The following ANKS1B variants were observed in gnomAD, a reference collection of about 807,000 sequenced individuals.
The protein encoded by ANKS1B is ankyrin repeat and sterile alpha motif domain-containing protein 1B.
In ANKS1B, 36 loss-of-function variants were observed where a neutral mutation model predicts 148.3. The ratio of observed to expected loss-of-function variants is 0.24; its 90% CI spans 0.19 to 0.32. ANKS1B has a LOEUF of 0.32. Among genes scored for constraint, ANKS1B ranks in the 10% least tolerant of loss-of-function variants. The pLI is 1.00. For synonymous variants in ANKS1B, 542 were observed against 560.8 expected (o/e 0.97, Z 0.47); for missense variants, 1,157 against 1,542.6 (o/e 0.75, Z 4.19).
At chr12:99,823,082 A>G (rs915059077) in intron 2 of ANKS1B, among the ~76,000 whole-genome samples, 13 of 152,112 alleles carry the variant, frequency 8.5e-5, no homozygotes, top group African/African-American at 2.4e-4. Flanking sequence ...GGCCACTTGT[A>G]TATCTTCTTT....
chr12:99,504,938 G>C (rs1287531440), intron 9 of ANKS1B, among the ~76,000 whole-genome samples: 2 of 151,930 alleles, frequency 1.3e-5, no homozygotes, highest in Non-Finnish European at 2.9e-5. Context: ...CTAATCAACA[G>C]TCATCCCCAA....
At chr12:99,032,140 T>C (rs925819561) in intron 17 of ANKS1B, among the ~76,000 whole-genome samples, 1 of 152,178 alleles carries the variant, frequency 6.6e-6, no homozygotes, top group Non-Finnish European at 1.5e-5. Context: ...GACTTACAGT[T>C]GACTGAGGAT....
intron 1 of ANKS1B, among the ~76,000 whole-genome samples, chr12:99,827,988 A>C (rs970723597): frequency 1.8e-4 from 28 of 152,234 alleles, no homozygotes; most frequent in Non-Finnish European, 3.8e-4. Context: ...AGACTTGTAC[A>C]TATAATATTA....
chr12:99,452,430 T>C (rs1470205224), intron 10 of ANKS1B, among the ~76,000 whole-genome samples: 1 of 152,238 alleles, frequency 6.6e-6, no homozygotes, highest in Non-Finnish European at 1.5e-5. Context: ...GCTAGAAATT[T>C]GTCATTTGTA....
intron 17 of ANKS1B, among the ~76,000 whole-genome samples, chr12:99,045,276 A>G (rs2099961605): frequency 6.6e-6 from 1 of 152,154 alleles, no homozygotes; most frequent in African/African-American, 2.4e-5. Context: ...TTTTTAAAAA[A>G]TTAATTTTTT....
chr12:99,625,427 T>C (rs1227391539), intron 9 of ANKS1B, among the ~76,000 whole-genome samples: 3 of 152,170 alleles, frequency 2.0e-5, no homozygotes, highest in Non-Finnish European at 2.9e-5. Flanking sequence ...GCACCTATCA[T>C]TATCAAGTCT....
intron 9 of ANKS1B, among the ~76,000 whole-genome samples, chr12:99,524,410 G>A (rs2096906308): frequency 6.6e-6 from 1 of 152,132 alleles, no homozygotes. Flanking sequence ...GAACTTTGCA[G>A]ATGTAAGTCA....
intron 9 of ANKS1B, among the ~76,000 whole-genome samples, chr12:99,635,768 C>A (rs1235202173): frequency 6.6e-6 from 1 of 151,864 alleles, no homozygotes; most frequent in Admixed American, 6.6e-5. Context: ...TGTATCTTCA[C>A]AATTTTTTTT....
intron 1 of ANKS1B, among the ~76,000 whole-genome samples, chr12:99,892,628 T>C (rs537096648): frequency 6.6e-6 from 1 of 152,270 alleles, no homozygotes; most frequent in South Asian, 2.1e-4. Flanking sequence ...AGTTTGAAGG[T>C]GGAACTGAAC....
At chr12:98,878,124 T>C (rs1445182079) in intron 17 of ANKS1B, among the ~76,000 whole-genome samples, 2 of 151,190 alleles carry the variant, frequency 1.3e-5, no homozygotes, top group Non-Finnish European at 2.9e-5. Context: ...GAAAGAGGGG[T>C]AGCAAATTAT....
intron 17 of ANKS1B, among the ~76,000 whole-genome samples, chr12:98,987,688 G>A (rs1047534841): frequency 6.6e-6 from 1 of 151,106 alleles, no homozygotes; most frequent in Non-Finnish European, 1.5e-5. Context: ...ATTTGGGACC[G>A]GTCACAGAAC....
chr12:99,522,530 C>T (rs2096885220), intron 9 of ANKS1B, among the ~76,000 whole-genome samples: 3 of 152,114 alleles, frequency 2.0e-5, no homozygotes. Flanking sequence ...GTTGTTTACA[C>T]TGTGTTTTCT....
At chr12:99,182,296 A>T (rs1414782764) in intron 14 of ANKS1B, among the ~76,000 whole-genome samples, 4 of 152,174 alleles carry the variant, frequency 2.6e-5, no homozygotes, top group Non-Finnish European at 4.4e-5. Flanking sequence ...TGGGGATTAC[A>T]ATTTGACATG....
intron 9 of ANKS1B, among the ~76,000 whole-genome samples, chr12:99,537,343 C>A (rs2097080766): frequency 1.3e-5 from 2 of 152,002 alleles, no homozygotes; most frequent in African/African-American, 4.8e-5. Flanking sequence ...TCCATATTAT[C>A]CTCCATAATG....
chr12:99,940,280 T>C (rs1285086403), intron 1 of ANKS1B, among the ~76,000 whole-genome samples: 1 of 152,118 alleles, frequency 6.6e-6, no homozygotes, highest in Non-Finnish European at 1.5e-5. Context: ...GACACCACAA[T>C]GTCCTAAATA....
intron 12 of ANKS1B, among the ~76,000 whole-genome samples, chr12:99,347,075 T>C (rs1272690411): frequency 3.9e-5 from 6 of 152,016 alleles, no homozygotes; most frequent in Non-Finnish European, 8.8e-5. Context: ...TGTGGTTGCC[T>C]GTTTTGACCT....
At chr12:99,533,101 T>C (rs1401753546) in intron 9 of ANKS1B, among the ~76,000 whole-genome samples, 2 of 152,186 alleles carry the variant, frequency 1.3e-5, no homozygotes, top group Non-Finnish European at 2.9e-5. Flanking sequence ...GTATTGAATC[T>C]GTAGATTGCT....
chr12:99,382,868 GT>G (rs2093700705), intron 12 of ANKS1B, among the ~76,000 whole-genome samples: 1 of 152,086 alleles, frequency 6.6e-6, no homozygotes, highest in Admixed American at 6.6e-5. Flanking sequence ...CACTACAGTA[GT>G]TTTTGCTCAA....
chr12:99,130,735 A>AT (rs1291079395), intron 15 of ANKS1B, among the ~76,000 whole-genome samples: 2 of 152,150 alleles, frequency 1.3e-5, no homozygotes, highest in Non-Finnish European at 2.9e-5. Context: ...ATCCTAATTT[A>AT]TCTTTCTAAC....
Sources: gnomAD v4.1 joint callset for allele counts (sites outside exome capture counted in the v4.1 genomes callset) on GRCh38, gnomAD v4.1.1 for gene constraint, MANE v1.5 for transcripts, NCBI Gene and HGNC (gene_info 2026-07-23, HGNC 2026-07-21) for gene names.